PGAP3: variants seen among roughly 807,000 people sequenced by gnomAD.
PGAP3 encodes the protein post-GPI attachment to proteins phospholipase 3, also known as GPI-specific phospholipase A2-like PGAP3.
PGAP3 carries 31 observed loss-of-function variants against 40.3 expected under a neutral mutation model. The observed-to-expected ratio is 0.77, with a 90% CI of 0.58 to 1.04. The LOEUF (loss-of-function observed/expected upper bound fraction) is 1.04, where lower values mean the gene tolerates loss of function less well. Ranked by LOEUF, PGAP3 falls within the 50% of genes least tolerant of loss-of-function variation. The pLI, the probability that PGAP3 is intolerant of heterozygous loss-of-function variation, is 0.00. For synonymous variants in PGAP3, 191 were observed against 184.5 expected (o/e 1.04, Z -0.29); for missense variants, 413 against 423.0 (o/e 0.98, Z 0.21).
In PGAP3 at chr17:39,673,189, C is replaced by T. The variant is rs759670326; in HGVS notation, c.761G>A (p.Arg254His). ...LWNQRRLPHV[R>H]KCVVVVLLLQ... ...CAGCAAGACCACCACCACGCACTTG[C>T]GCACGTGAGGCAGCCGCCGCTGGTT... Residue 254 changes from arginine (R) to histidine (H), a missense_variant, in exon 7 of 8, where the codon CGC (arginine) becomes CAC (histidine). Physicochemically the swap from Arg to His is conservative, Grantham distance 29 (BLOSUM62 0). Coordinates refer to ENST00000300658, the MANE Select transcript of PGAP3 (RefSeq NM_033419.5). 1.6e-5 allele frequency: 25 copies of T among 1,575,248 alleles called. No homozygotes were observed. Among genetic ancestry groups the T allele is most frequent in the African/African-American group, 4.0e-5 (3 of 74,132 alleles).
chr17:39,683,011 G>A (rs2057462289), intron 3 of PGAP3, among the ~76,000 whole-genome samples: 1 of 152,096 alleles, frequency 6.6e-6, no homozygotes. Context: ...GGGAGGCAGA[G>A]GTTGCAGCGA....
intron 3 of PGAP3, among the ~76,000 whole-genome samples, chr17:39,676,389 T>G (rs1315808249): frequency 2.0e-5 from 3 of 152,110 alleles, no homozygotes; most frequent in African/African-American, 7.2e-5. Flanking sequence ...AGAAGAGGAC[T>G]GCAGGACTGA....
intron 6 of PGAP3, 56 bp from the exon 7 acceptor site, chr17:39,673,311 C>T (rs558633695): frequency 6.4e-7 from 1 of 1,556,392 alleles, no homozygotes; most frequent in Non-Finnish European, 8.7e-7. Context: ...CTCCCCAAGG[C>T]CACCCCCAAC....
chr17:39,674,827 A>C, intron 3 of PGAP3, 148 bp from the exon 4 acceptor site: 2 of 800,740 alleles, frequency 2.5e-6, no homozygotes, highest in African/African-American at 1.7e-5. Context: ...CTCTGAACAA[A>C]CCTATGTCCC....
intron 1 of PGAP3, 105 bp downstream of exon 1, chr17:39,687,729 G>T: frequency 1.1e-6 from 1 of 893,472 alleles, no homozygotes; most frequent in Non-Finnish European, 1.5e-6. Flanking sequence ...ATTCATAAGA[G>T]ACCTCGTGGG....
chr17:39,687,919 G>GCAGTCGCGGTACA lies in PGAP3; in HGVS notation c.83_95dup (p.Leu34ProfsTer40). On this transcript the variant is annotated frameshift_variant, in exon 1 of 8. Coordinates refer to ENST00000300658, the MANE Select transcript of PGAP3 (RefSeq NM_033419.5). LOFTEE classifies it high-confidence loss of function. ...AGTTCTGCTCTTCGCACTGCAGTAC[G>GCAGTCGCGGTACA]CAGTCGCGGTACACCGGCTCACGGT... The GCAGTCGCGGTACA allele has an allele frequency of 6.6e-7, 1 of 1,508,600 alleles. No individual in the cohort carries two copies. Among genetic ancestry groups the GCAGTCGCGGTACA allele is most frequent in the Non-Finnish European group, 8.9e-7 (1 of 1,117,942 alleles). The allele number at this position is 1,508,600 out of a possible 1,614,324, so 93.5% of individuals were successfully genotyped here.
chr17:39,674,000 A>G lies in PGAP3; in HGVS notation c.550T>C (p.Cys184Arg), dbSNP rs1367312522. ...CCACCCAGGCAGGCTCACCTGACGC[A>G]GCACAGGTAGATTGAGTGTAGGATG... ...TVILHSIYLC[C>R]VRTVGLQHPA... Residue 184 changes from cysteine to arginine, a missense_variant, in exon 5 of 8, where the codon TGC (cysteine) becomes CGC (arginine). Coordinates refer to ENST00000300658, the MANE Select transcript of PGAP3 (RefSeq NM_033419.5). The G allele has an allele frequency of 9.3e-6, 15 of 1,613,986 alleles. No individual in the cohort carries two copies. The highest frequency in any genetic ancestry group is 1.3e-5 in the Non-Finnish European group (15 of 1,179,870).
chr17:39,679,361 T>TC (rs1394732775), intron 3 of PGAP3, among the ~76,000 whole-genome samples: 1 of 151,992 alleles, frequency 6.6e-6, no homozygotes, highest in African/African-American at 2.4e-5. Flanking sequence ...AGGTGAAAAA[T>TC]CCAAGAATCA....
At position 39,685,977 on chromosome 17, in the gene PGAP3, AC is replaced by A; in HGVS notation, c.223del (p.Val75SerfsTer46). On this transcript the variant is annotated frameshift_variant, in exon 2 of 8. Coordinates refer to ENST00000300658, the MANE Select transcript of PGAP3 (RefSeq NM_033419.5). LOFTEE classifies it high-confidence loss of function. ...TTCCTGGAGGTAGAGCCCAACGGTG[AC>A]CCACATACACTCATACTTACAGTCG... The part of the protein sequence containing the change: ...RDDCKYECMW[V>X]TVGLYLQEGH... 1.2e-6 allele frequency: 2 copies of A among 1,613,470 alleles called. No homozygotes were observed. Among genetic ancestry groups the A allele is most frequent in the East Asian group, 2.2e-5 (1 of 44,844 alleles).
At chr17:39,684,486 G>T in intron 3 of PGAP3, 111 bp downstream of exon 3, 1 of 1,325,806 alleles carries the variant, frequency 7.5e-7, no homozygotes, top group Admixed American at 2.7e-5. Context: ...TTTAGCCCTG[G>T]GAAACAGAGG....
chr17:39,687,906 C>A lies in PGAP3; in HGVS notation c.109G>T (p.Glu37Ter), dbSNP rs1242562412. ...GCGCCCCCAGAGCAGTTCTGCTCTT[C>A]GCACTGCAGTACGCAGTCGCGGTAC... Reference protein sequence around the residue: ...PVYRDCVLQCEEQNCSGGALN... With the variant: ...PVYRDCVLQC Residue 37 changes from glutamate (E) to a stop codon, truncating the protein, a stop_gained, in exon 1 of 8, where the codon GAA (glutamate) becomes TAA (stop). Transcript: ENST00000300658. LOFTEE classifies it high-confidence loss of function. 6.6e-6 allele frequency: 10 copies of A among 1,519,102 alleles called. No individual in the cohort carries two copies. Among genetic ancestry groups the A allele is most frequent in the Non-Finnish European group, 8.9e-6 (10 of 1,124,370 alleles). The allele number at this position is 1,519,102 out of a possible 1,614,324, so 94.1% of individuals were successfully genotyped here. A position where few individuals can be genotyped will look rare whatever the true frequency, so the allele number is the denominator to read the frequency against.
chr17:39,680,233 C>G (rs2057422791), intron 3 of PGAP3, among the ~76,000 whole-genome samples: 1 of 152,234 alleles, frequency 6.6e-6, no homozygotes. Flanking sequence ...TGGACACCAA[C>G]CCTGTCTTTA....
chr17:39,683,994 C>T (rs143928027), intron 3 of PGAP3, among the ~76,000 whole-genome samples: 4 of 152,096 alleles, frequency 2.6e-5, no homozygotes, highest in East Asian at 3.9e-4. Flanking sequence ...TGTGGTGGCA[C>T]GCGCCTATCA....
In PGAP3 at chr17:39,671,521, C is replaced by G. The variant is rs1273745418; in HGVS notation, c.*1282G>C. 1 of 152,424 alleles carries G rather than the reference C, an allele frequency of 6.6e-6. No individual in the cohort carries two copies. Among genetic ancestry groups the G allele is most frequent in the Non-Finnish European group, 1.5e-5 (1 of 68,112 alleles). 9.4% of individuals were successfully genotyped at this position (152,424 alleles called of 1,614,324 possible). A position where few individuals can be genotyped will look rare whatever the true frequency, so the allele number is the denominator to read the frequency against. ...CAGCCATAAGCTTTCTCCCCTTCTC[C>G]CTCAAATCGCCCCTTCCTCCTCCCC... On this transcript the variant is annotated 3_prime_UTR_variant, in exon 8 of 8. Transcript: ENST00000300658.
intron 3 of PGAP3, among the ~76,000 whole-genome samples, chr17:39,682,884 C>G (rs1054743708): frequency 4.6e-5 from 7 of 152,052 alleles, no homozygotes; most frequent in African/African-American, 1.7e-4. Context: ...CAAGACCAGC[C>G]TGGCCAACAT....
chr17:39,673,783 A>G (rs2057340530), intron 5 of PGAP3, 133 bp from the exon 6 acceptor site: 1 of 1,333,838 alleles, frequency 7.5e-7, no homozygotes, highest in African/African-American at 1.5e-5. Context: ...CAAACAGGCC[A>G]CAGCTGGGCA....
chr17:39,673,271 G>A lies in PGAP3; in HGVS notation c.695-16C>T, dbSNP rs1173068301. On this transcript the variant is annotated splice_polypyrimidine_tract_variant and intron_variant, in intron 6 of 7. Coordinates refer to ENST00000300658, the MANE Select transcript of PGAP3 (RefSeq NM_033419.5). ...TTGACCAGGCCTGGGTGCCAGTGGG[G>A]GCAGGAGAGACTCATTCCTTCGGCT... is the stretch of plus-strand genomic sequence containing the variant. The A allele has an allele frequency of 1.9e-6, 3 of 1,555,902 alleles. 1 individual carries two copies. In the South Asian group the frequency reaches 3.5e-5, roughly 18 times the overall value.
At chr17:39,673,804 C>T (rs993295121) in intron 5 of PGAP3, 154 bp from the exon 6 acceptor site, 3 of 1,242,980 alleles carry the variant, frequency 2.4e-6, no homozygotes, top group Non-Finnish European at 3.4e-6. Context: ...GCAAGTGCTA[C>T]AGCTCCTTGT....
rs1034442327 is a variant in PGAP3 at position 39,672,552 on chromosome 17, C to G, written c.*251G>C. 4.4e-5 allele frequency: 25 copies of G among 572,452 alleles called. No homozygotes were observed. The highest frequency in any genetic ancestry group is 4.3e-4 in the African/African-American group (23 of 53,256). 35.5% of individuals were successfully genotyped at this position (572,452 alleles called of 1,614,324 possible). A position where few individuals can be genotyped will look rare whatever the true frequency, so the allele number is the denominator to read the frequency against. On this transcript the variant is annotated 3_prime_UTR_variant, in exon 8 of 8. Transcript: ENST00000300658. ...GCTAAGAGCACACTCAGTTCCACCC[C>G]AGTTCAGCTCCAGGAGGTAGAGGGG...
Sources: allele counts gnomAD v4.1 joint callset (sites outside exome capture counted in the v4.1 genomes callset), GRCh38; gene constraint gnomAD v4.1.1; transcripts MANE v1.5; gene names NCBI Gene and HGNC (gene_info 2026-07-23, HGNC 2026-07-21).